Variants in CHEK2 observed in about 807,000 individuals in gnomAD.
CHEK2 encodes the protein serine/threonine-protein kinase Chk2.
In CHEK2, 71 loss-of-function variants were observed where a neutral mutation model predicts 69.1. That is an observed-to-expected ratio of 1.03 (90% CI 0.85 to 1.25). The LOEUF (loss-of-function observed/expected upper bound fraction) is 1.25. CHEK2 is among the 50% of genes most tolerant of loss of function. CHEK2 has a pLI of 0.00. For missense variants in CHEK2, 664 were observed against 649.6 expected (o/e 1.02, Z -0.24); for synonymous variants, 189 against 226.9 (o/e 0.83, Z 1.50).
chr22:28,689,020 A>G (rs1162275279), intron 14 of CHEK2, 115 bp downstream of exon 14: 5 of 703,766 alleles, frequency 7.1e-6, no homozygotes, highest in Non-Finnish European at 1.3e-5. Flanking sequence ...CTACTACATT[A>G]TAACTGAAAC....
At chr22:28,722,395 C>T (rs1014348551) in intron 4 of CHEK2, among the ~76,000 whole-genome samples, 2 of 152,006 alleles carry the variant, frequency 1.3e-5, no homozygotes, top group African/African-American at 2.4e-5. Flanking sequence ...AAAAAATTAG[C>T]CGGGCGCAGT....
chr22:28,741,107 GC>G (rs1232726066), intron 1 of CHEK2, among the ~76,000 whole-genome samples: 1 of 130,626 alleles, frequency 7.7e-6, no homozygotes, highest in African/African-American at 3.0e-5. Context: ...CCCAGATCGC[GC>G]CACTGCACTC....
chr22:28,717,584 T>A (rs1413012409), intron 5 of CHEK2, among the ~76,000 whole-genome samples: 4 of 144,792 alleles, frequency 2.8e-5, no homozygotes, highest in Admixed American at 1.4e-4. Flanking sequence ...AAAAAAAAAA[T>A]AAAAATTAGG....
intron 8 of CHEK2, among the ~76,000 whole-genome samples, chr22:28,702,536 C>T (rs1319498689): frequency 5.6e-5 from 7 of 124,492 alleles, no homozygotes; most frequent in African/African-American, 1.9e-4. Flanking sequence ...CTGCGCCCGG[C>T]CTTTTTTTTT....
At chr22:28,720,777 G>A (rs1011324686) in intron 4 of CHEK2, among the ~76,000 whole-genome samples, 9 of 152,184 alleles carry the variant, frequency 5.9e-5, no homozygotes, top group Non-Finnish European at 1.0e-4. Context: ...TATTCATAAC[G>A]CTGTATGTTC....
rs369256181 is a variant in CHEK2, at chr22:28,734,690, T to G, written c.32A>C (p.Gln11Pro). The G allele has an allele frequency of 6.2e-7, 1 of 1,613,706 alleles. No homozygotes were observed. Among genetic ancestry groups the G allele is most frequent in the Non-Finnish European group, 8.5e-7 (1 of 1,179,978 alleles). The change falls in exon 2 of 15, where the codon CAG (glutamine) becomes CCG (proline). Residue 11 changes from glutamine (Q) to proline (P), a missense_variant. Gln to Pro is a moderately conservative substitution (Grantham distance 76). Coordinates refer to ENST00000404276, the MANE Select transcript of CHEK2 (RefSeq NM_007194.4). ...TGAACAGGCACTGCTGCCATGAGACTGCTGAGCCTCAACATCCGACTCCCG... is the reference window on the plus strand; with the variant it reads ...TGAACAGGCACTGCTGCCATGAGACGGCTGAGCCTCAACATCCGACTCCCG... MSRESDVEAQ[Q>P]SHGSSACSQP...
At chr22:28,730,549 C>T (rs748513087) in intron 2 of CHEK2, 2 of 694,436 alleles carry the variant, frequency 2.9e-6, no homozygotes, top group South Asian at 3.0e-5. Context: ...GACTCTGTCT[C>T]TACAAAAAAT....
intron 5 of CHEK2, among the ~76,000 whole-genome samples, chr22:28,717,854 C>T (rs1297336898): frequency 1.3e-5 from 2 of 152,020 alleles, no homozygotes; most frequent in Non-Finnish European, 2.9e-5. Flanking sequence ...ACACCATTGC[C>T]TGGGCAACAA....
intron 4 of CHEK2, among the ~76,000 whole-genome samples, chr22:28,721,000 G>C (rs1336066965): frequency 5.3e-5 from 8 of 152,188 alleles, no homozygotes; most frequent in Non-Finnish European, 1.0e-4. Context: ...AGTGCCTACA[G>C]ATCCTCCGGT....
At chr22:28,724,956 A>G (rs2053934336) in intron 4 of CHEK2, 21 bp downstream of exon 4, 1 of 1,613,626 alleles carries the variant, frequency 6.2e-7, no homozygotes, top group East Asian at 2.2e-5. Context: ...AATTCCAGTA[A>G]CCATAAGATA....
chr22:28,698,312 A>C (rs2052674217), intron 9 of CHEK2, among the ~76,000 whole-genome samples: 1 of 151,110 alleles, frequency 6.6e-6, no homozygotes, highest in African/African-American at 2.4e-5. Flanking sequence ...CAGGAGAATC[A>C]CTTGAACCCG....
intron 7 of CHEK2, among the ~76,000 whole-genome samples, chr22:28,709,353 C>T (rs2053300756): frequency 6.6e-6 from 1 of 152,118 alleles, no homozygotes. Context: ...TATAACTAAA[C>T]CAAATTTACT....
chr22:28,706,022 A>G (rs924166062), intron 7 of CHEK2, among the ~76,000 whole-genome samples: 3 of 139,862 alleles, frequency 2.1e-5, no homozygotes, highest in Non-Finnish European at 4.7e-5. Context: ...GGCCAGGCAC[A>G]GTGGCTCACG....
At chr22:28,710,208 C>G (rs2053344798) in intron 6 of CHEK2, 149 bp from the exon 7 acceptor site, 1 of 590,690 alleles carries the variant, frequency 1.7e-6, no homozygotes. Context: ...AGGTCAATGA[C>G]TTAAATACCT....
chr22:28,723,998 G>C lies in CHEK2; in HGVS notation c.592+979C>G, dbSNP rs148780470. On this transcript the variant is annotated intron_variant, in intron 4 of 14. Transcript: ENST00000404276. ...AAGAAAGGAAAGAATGAGGTGAAGA[G>C]GAAGGAAAAATGAATTAATGGCCTG... Among the ~76,000 whole-genome samples the C allele has an allele frequency of 7.5e-3, 1,132 of 151,926 alleles. 17 individuals carry two copies. The highest frequency in any genetic ancestry group is 0.026 in the African/African-American group (1,091 of 41,404).
intron 4 of CHEK2, 96 bp downstream of exon 4, chr22:28,724,881 C>A: frequency 7.6e-7 from 1 of 1,314,824 alleles, no homozygotes. Flanking sequence ...CTCATCTTTA[C>A]TCACTTAAAC....
chr22:28,719,494 G>A lies in CHEK2; in HGVS notation c.593-9C>T, dbSNP rs1057517597. 4 of 1,491,838 alleles carry A rather than the reference G, an allele frequency of 2.7e-6. No individual in the cohort carries two copies. Among genetic ancestry groups the A allele is most frequent in the East Asian group, 2.3e-5 (1 of 43,608 alleles). The allele number at this position is 1,491,838 out of a possible 1,614,324, so 92.4% of individuals were successfully genotyped here. ...ATCAAAAAAGACAAAAACTAAGGAAGAAAAGAGTAGAAATGGGTTTCATTA... is the reference window on the plus strand; with the variant it reads ...ATCAAAAAAGACAAAAACTAAGGAAAAAAAGAGTAGAAATGGGTTTCATTA... On this transcript the variant is annotated splice_polypyrimidine_tract_variant and intron_variant, in intron 4 of 14. Coordinates refer to ENST00000404276, the MANE Select transcript of CHEK2 (RefSeq NM_007194.4).
At chr22:28,736,602 G>A (rs1450823031) in intron 1 of CHEK2, among the ~76,000 whole-genome samples, 1 of 152,206 alleles carries the variant, frequency 6.6e-6, no homozygotes, top group African/African-American at 2.4e-5. Context: ...GACCGTAACA[G>A]AGGCTTCCAC....
chr22:28,741,175 T>C (rs17885379), intron 1 of CHEK2, among the ~76,000 whole-genome samples: 1,843 of 139,036 alleles, frequency 0.013, 45 homozygotes, highest in East Asian at 0.077. Flanking sequence ...AAAAAAAAGG[T>C]ACAGATGGTA....
Sources: gnomAD v4.1 joint callset for allele counts (sites outside exome capture counted in the v4.1 genomes callset) on GRCh38, gnomAD v4.1.1 for gene constraint, MANE v1.5 for transcripts, NCBI Gene and HGNC (gene_info 2026-07-23, HGNC 2026-07-21) for gene names.